The following MBD5 variants were observed in gnomAD, a reference collection of about 807,000 sequenced individuals.
MBD5 encodes the protein methyl-CpG-binding domain protein 5.
Under a neutral mutation model 117.3 loss-of-function variants are expected in MBD5, and 13 were observed. The ratio of observed to expected loss-of-function variants is 0.11; its 90% CI spans 0.07 to 0.18. MBD5 has a LOEUF of 0.18. Among genes scored for constraint, MBD5 ranks in the 10% least tolerant of loss-of-function variants. The pLI is 1.00. For synonymous variants in MBD5, 727 were observed against 766.4 expected (o/e 0.95, Z 0.85); for missense variants, 1,879 against 2,093.8 (o/e 0.90, Z 2.00).
At chr2:148,485,478 T>A (rs1681306714) in intron 9 of MBD5, 1 of 433,238 alleles carries the variant, frequency 2.3e-6, no homozygotes, top group Admixed American at 3.7e-5. Flanking sequence ...CAGCTCAATA[T>A]ATAAGGACTG....
chr2:148,173,516 G>C (rs1383569803), intron 1 of MBD5, among the ~76,000 whole-genome samples: 1 of 152,158 alleles, frequency 6.6e-6, no homozygotes, highest in Non-Finnish European at 1.5e-5. Context: ...CAGTCTGCGT[G>C]CTCAAGTGGA....
intron 1 of MBD5, among the ~76,000 whole-genome samples, chr2:148,178,385 C>G (rs10427294): frequency 0.96 from 146,669 of 152,258 alleles, 70,877 homozygotes; most frequent in East Asian, 1. Context: ...CAGGACACCA[C>G]AATTTATGTA....
At chr2:148,023,890 G>A (rs886513295) in intron 1 of MBD5, among the ~76,000 whole-genome samples, 2 of 151,702 alleles carry the variant, frequency 1.3e-5, no homozygotes, top group African/African-American at 4.9e-5. Flanking sequence ...ACCTTTTTAA[G>A]TATTAAGAAC....
At chr2:148,367,956 C>T (rs923361623) in intron 4 of MBD5, among the ~76,000 whole-genome samples, 20 of 152,132 alleles carry the variant, frequency 1.3e-4, no homozygotes, top group African/African-American at 4.6e-4. Context: ...TACCACTTGA[C>T]CCAGCAATCC....
At chr2:148,031,974 C>T (rs2890915) in intron 1 of MBD5, among the ~76,000 whole-genome samples, 49,744 of 151,926 alleles carry the variant, frequency 0.33, 8,393 homozygotes, top group East Asian at 0.52. Flanking sequence ...TAATTTATTT[C>T]CAGGTACCCC....
At chr2:148,225,194 T>C (rs1387478296) in intron 2 of MBD5, among the ~76,000 whole-genome samples, 1 of 152,170 alleles carries the variant, frequency 6.6e-6, no homozygotes, top group East Asian at 1.9e-4. Context: ...TTGCCTTTTA[T>C]GTTTTGTGTA....
chr2:148,369,233 AAGT>A (rs1703787103), intron 4 of MBD5, among the ~76,000 whole-genome samples: 2 of 152,090 alleles, frequency 1.3e-5, no homozygotes, highest in Non-Finnish European at 2.9e-5. Context: ...AAAAAAAAAA[AAGT>A]AGGAAACTGA....
At chr2:148,243,719 A>C (rs986801468) in intron 3 of MBD5, 1 of 152,116 alleles carries the variant, frequency 6.6e-6, no homozygotes, top group Non-Finnish European at 1.5e-5. Context: ...AGCAGTGTAT[A>C]TTGAAAACTT....
At position 148,418,525 on chromosome 2, in the gene MBD5, G is replaced by T. The variant is rs893674038; in HGVS notation, c.-556-39678G>T. 2.0e-5 allele frequency among the ~76,000 whole-genome samples: 3 copies of T among 152,140 alleles called. No individual in the cohort carries two copies. In the East Asian group the frequency reaches 5.8e-4, roughly 29 times the overall value. On this transcript the variant is annotated intron_variant, in intron 4 of 13. Coordinates refer to ENST00000642680, the MANE Select transcript of MBD5 (RefSeq NM_001378120.1). The stretch of plus-strand genomic sequence containing the variant: ...AGATTTAAAAAATGTATTTAGCAAA[G>T]TCTCAGTTTACAAAATCAATATATA...
At chr2:148,472,683 A>G (rs935914217) in intron 8 of MBD5, among the ~76,000 whole-genome samples, 1 of 152,162 alleles carries the variant, frequency 6.6e-6, no homozygotes, top group African/African-American at 2.4e-5. Flanking sequence ...GTAGGCATTC[A>G]GAATGAGACA....
intron 4 of MBD5, among the ~76,000 whole-genome samples, chr2:148,421,003 A>G (rs1219742374): frequency 6.6e-6 from 1 of 152,208 alleles, no homozygotes. Flanking sequence ...TGCTGGGATT[A>G]CAGGCATGAG....
intron 2 of MBD5, among the ~76,000 whole-genome samples, chr2:148,195,275 GA>G (rs757466257): frequency 2.1e-4 from 32 of 152,074 alleles, no homozygotes; most frequent in Non-Finnish European, 3.7e-4. Context: ...AAAATAATAT[GA>G]GAAAAAGTAT....
At chr2:148,421,304 A>T (rs1705598033) in intron 4 of MBD5, among the ~76,000 whole-genome samples, 1 of 152,086 alleles carries the variant, frequency 6.6e-6, no homozygotes, top group African/African-American at 2.4e-5. Flanking sequence ...GCATCGCCTC[A>T]CCTGGGAAGC....
At chr2:148,445,400 C>T (rs1015855357) in intron 4 of MBD5, among the ~76,000 whole-genome samples, 2 of 149,916 alleles carry the variant, frequency 1.3e-5, no homozygotes, top group Admixed American at 6.6e-5. Context: ...GGTTTTTTGT[C>T]CTTGCGATAG....
chr2:148,451,509 A>G (rs1229297529), intron 4 of MBD5, among the ~76,000 whole-genome samples: 1 of 152,086 alleles, frequency 6.6e-6, no homozygotes, highest in Non-Finnish European at 1.5e-5. Context: ...GGTGAAAGAT[A>G]ATTAGAAAGG....
At chr2:148,245,401 AT>A (rs1304890662) in intron 3 of MBD5, among the ~76,000 whole-genome samples, 3 of 151,934 alleles carry the variant, frequency 2.0e-5, no homozygotes, top group Non-Finnish European at 4.4e-5. Flanking sequence ...AATGTTTTGT[AT>A]TTTTAATAGA....
chr2:148,493,353 G>C (rs1487872170), intron 11 of MBD5, among the ~76,000 whole-genome samples: 1 of 152,044 alleles, frequency 6.6e-6, no homozygotes, highest in Non-Finnish European at 1.5e-5. Flanking sequence ...GTTAACACAA[G>C]TTTTAGAATA....
At chr2:148,180,502 A>T (rs1180238186) in intron 2 of MBD5, among the ~76,000 whole-genome samples, 1 of 151,572 alleles carries the variant, frequency 6.6e-6, no homozygotes, top group Non-Finnish European at 1.5e-5. Context: ...CATGCCGGGC[A>T]CTTTCTGGTT....
intron 1 of MBD5, among the ~76,000 whole-genome samples, chr2:148,023,614 A>C (rs1693825149): frequency 6.6e-6 from 1 of 152,188 alleles, no homozygotes; most frequent in African/African-American, 2.4e-5. Context: ...TTAAAACCTC[A>C]GCAACTTTAA....
Sources: gnomAD v4.1 joint callset for allele counts (sites outside exome capture counted in the v4.1 genomes callset) on GRCh38, gnomAD v4.1.1 for gene constraint, MANE v1.5 for transcripts, NCBI Gene and HGNC (gene_info 2026-07-23, HGNC 2026-07-21) for gene names.